Variants in FSTL4 observed in about 807,000 individuals in gnomAD.
FSTL4 encodes follistatin-related protein 4.
FSTL4 carries 28 observed loss-of-function variants against 78.2 expected under a neutral mutation model. The observed-to-expected ratio is 0.36, with a 90% CI of 0.27 to 0.49. The LOEUF (loss-of-function observed/expected upper bound fraction) is 0.49. FSTL4 is among the 20% of genes least tolerant of loss of function. FSTL4 has a pLI of 0.98. For missense variants in FSTL4, 922 were observed against 1,084.9 expected, an observed-to-expected ratio of 0.85 and a Z score of 2.11; for synonymous variants, 422 against 440.5, an observed-to-expected ratio of 0.96 and a Z score of 0.53.
At chr5:133,590,666 T>C (rs938281556) in intron 2 of FSTL4, among the ~76,000 whole-genome samples, 18 of 152,282 alleles carry the variant, frequency 1.2e-4, no homozygotes, top group African/African-American at 4.3e-4. Flanking sequence ...GGGCCACAAC[T>C]GAGCACCAAA....
the FSTL4 span, among the ~76,000 whole-genome samples, chr5:133,686,367 G>C: frequency 6.6e-6 from 1 of 152,226 alleles, no homozygotes; most frequent in Non-Finnish European, 1.5e-5. Flanking sequence ...ACATGAGGTA[G>C]TGTTACATGA....
chr5:133,341,697 T>C (rs922996599), intron 4 of FSTL4, among the ~76,000 whole-genome samples: 2 of 152,212 alleles, frequency 1.3e-5, no homozygotes, highest in African/African-American at 2.4e-5. Flanking sequence ...ATCCCATATG[T>C]CCTGCCAGGC....
the FSTL4 span, among the ~76,000 whole-genome samples, chr5:133,739,037 C>G: frequency 1.3e-5 from 2 of 152,116 alleles, no homozygotes; most frequent in Admixed American, 6.5e-5. Flanking sequence ...GTGCCACCCC[C>G]TCATGGAAGC....
chr5:133,408,005 G>A (rs548548985), intron 3 of FSTL4, among the ~76,000 whole-genome samples: 4 of 152,302 alleles, frequency 2.6e-5, no homozygotes, highest in South Asian at 2.1e-4. Context: ...GTAGGTGAGT[G>A]ATCTGCAGGG....
chr5:133,374,423 A>C (rs1580658908), intron 4 of FSTL4, among the ~76,000 whole-genome samples: 1 of 152,176 alleles, frequency 6.6e-6, no homozygotes, highest in East Asian at 1.9e-4. Flanking sequence ...TGTGGAATTG[A>C]GCTGTGCAGA....
intron 3 of FSTL4, among the ~76,000 whole-genome samples, chr5:133,531,765 C>T (rs1464931715): frequency 1.3e-5 from 2 of 152,222 alleles, no homozygotes; most frequent in Non-Finnish European, 2.9e-5. Flanking sequence ...TCAGACTCCT[C>T]GCTCACAGTC....
chr5:133,315,993 G>A (rs367594181), intron 5 of FSTL4, among the ~76,000 whole-genome samples: 1 of 152,226 alleles, frequency 6.6e-6, no homozygotes, highest in Admixed American at 6.5e-5. Context: ...TGAGAGCAGG[G>A]CTTGGTGGGG....
chr5:133,291,070 A>T (rs1293342643), intron 6 of FSTL4, among the ~76,000 whole-genome samples: 7 of 152,348 alleles, frequency 4.6e-5, no homozygotes, highest in Non-Finnish European at 7.3e-5. Flanking sequence ...CAAAGACTCA[A>T]CCGCCCACTT....
the FSTL4 span, among the ~76,000 whole-genome samples, chr5:133,766,209 G>A: frequency 2.0e-5 from 3 of 152,074 alleles, no homozygotes; most frequent in Non-Finnish European, 2.9e-5. Flanking sequence ...CCTAAGAATG[G>A]TTTTTCCCTT....
chr5:133,786,277 G>T, the FSTL4 span, among the ~76,000 whole-genome samples: 1 of 152,216 alleles, frequency 6.6e-6, no homozygotes, highest in Admixed American at 6.5e-5. Context: ...AGAATGGAAT[G>T]AGGGATGTTT....
chr5:133,464,263 G>A (rs984886357), intron 3 of FSTL4, among the ~76,000 whole-genome samples: 4 of 152,184 alleles, frequency 2.6e-5, no homozygotes, highest in African/African-American at 9.7e-5. Flanking sequence ...GGCAGTGGAG[G>A]TGCCCAGAAG....
chr5:133,433,334 G>A (rs771203966), intron 3 of FSTL4, among the ~76,000 whole-genome samples: 71 of 152,304 alleles, frequency 4.7e-4, no homozygotes, highest in Non-Finnish European at 8.4e-4. Flanking sequence ...TTAGACGGGG[G>A]AAGGATTACC....
At chr5:133,711,119 G>T in the FSTL4 span, among the ~76,000 whole-genome samples, 3 of 152,202 alleles carry the variant, frequency 2.0e-5, no homozygotes, top group African/African-American at 7.2e-5. Flanking sequence ...TACAACCCCT[G>T]TTGGGTCCCA....
the FSTL4 span, among the ~76,000 whole-genome samples, chr5:133,818,112 C>A: frequency 1.3e-5 from 2 of 152,222 alleles, no homozygotes; most frequent in Non-Finnish European, 2.9e-5. Context: ...CGTGGTGCAG[C>A]CTTGTCACCC....
rs117096432 is a variant in FSTL4 at position 133,526,261 on chromosome 5, T to C, written c.160+40925A>G. On this transcript the variant is annotated intron_variant, in intron 3 of 15. Transcript: ENST00000265342. ...CTATACAGCTGGGGAGATGAAGCAA[T>C]TCATGAAACCAAGGGGGTAGCCTCA... Among the ~76,000 whole-genome samples, 5 of 152,222 alleles carry C rather than the reference T, an allele frequency of 3.3e-5. No homozygotes were observed. In the East Asian group the frequency reaches 9.7e-4, roughly 29 times the overall value.
At chr5:133,517,157 A>G (rs1758868971) in intron 3 of FSTL4, among the ~76,000 whole-genome samples, 1 of 151,534 alleles carries the variant, frequency 6.6e-6, no homozygotes, top group Non-Finnish European at 1.5e-5. Context: ...GGTCAGTGGC[A>G]CATGTCTGTA....
rs982353344 is a variant in FSTL4, at chr5:133,361,010, CCTTT to C, written c.409+39724_409+39727del. On this transcript the variant is annotated intron_variant, in intron 4 of 15. Transcript: ENST00000265342. This position sits in a 1 kb window ranked among gnomAD's most constrained non-coding sequence, Gnocchi z 4.3. ...ATCACAATAACACAATTGTGTAGGACCTTTTTTTCTCTTCTTGGAGTTTACAAAC... is the reference window on the plus strand; with the variant it reads ...ATCACAATAACACAATTGTGTAGGACTTTTCTCTTCTTGGAGTTTACAAAC... Among the ~76,000 whole-genome samples, 1 of 152,162 alleles carries C rather than the reference CCTTT, an allele frequency of 6.6e-6. No homozygotes were observed. The highest frequency in any genetic ancestry group is 2.4e-5 in the African/African-American group (1 of 41,436).
At chr5:133,791,735 G>A in the FSTL4 span, among the ~76,000 whole-genome samples, 1 of 152,288 alleles carries the variant, frequency 6.6e-6, no homozygotes, top group Non-Finnish European at 1.5e-5. Context: ...TATTCCACCT[G>A]TGGAAATCCT....
intron 12 of FSTL4, among the ~76,000 whole-genome samples, chr5:133,218,717 C>A (rs1393038570): frequency 6.6e-6 from 1 of 152,206 alleles, no homozygotes; most frequent in Non-Finnish European, 1.5e-5. Flanking sequence ...TCCTTCAGGT[C>A]TCTGCTTAGT....
Sources: allele counts gnomAD v4.1 joint callset (sites outside exome capture counted in the v4.1 genomes callset), GRCh38; gene constraint gnomAD v4.1.1; non-coding constraint Gnocchi (gnomAD v3.1); transcripts MANE v1.5; gene names NCBI Gene and HGNC (gene_info 2026-07-23, HGNC 2026-07-21).